The following AVEN variants were observed in gnomAD, a reference collection of about 807,000 sequenced individuals.
AVEN encodes cell death regulator Aven.
AVEN carries 41 observed loss-of-function variants against 38.1 expected under a neutral mutation model. The ratio of observed to expected loss-of-function variants is 1.08; its 90% CI spans 0.84 to 1.40. The LOEUF (loss-of-function observed/expected upper bound fraction) is 1.40. AVEN is among the 40% of genes most tolerant of loss of function. The pLI is 0.00. For missense variants in AVEN, 605 were observed against 438.8 expected (o/e 1.38, Z -3.38); for synonymous variants, 206 against 171.8 (o/e 1.20, Z -1.56).
At chr15:33,960,210 A>T (rs1895110534) in intron 2 of AVEN, among the ~76,000 whole-genome samples, 2 of 152,228 alleles carry the variant, frequency 1.3e-5, no homozygotes, top group Admixed American at 6.5e-5. Flanking sequence ...TGCCTTTTGG[A>T]GATTTAAGCA....
At chr15:33,988,431 G>C (rs1324179453) in intron 2 of AVEN, among the ~76,000 whole-genome samples, 1 of 152,168 alleles carries the variant, frequency 6.6e-6, no homozygotes, top group East Asian at 1.9e-4. Flanking sequence ...GTATAGAATA[G>C]AGATAATGAA....
chr15:33,866,737 A>C lies in AVEN; in HGVS notation c.974-9T>G, dbSNP rs1480038383. On this transcript the variant is annotated splice_polypyrimidine_tract_variant and intron_variant, in intron 5 of 5. Transcript: ENST00000306730. ...AGATGGTTTTGCACAAACTGGGGGAAAAAAAACAATGTTAACACCCTCAGA... is the reference window on the plus strand; with the variant it reads ...AGATGGTTTTGCACAAACTGGGGGACAAAAAACAATGTTAACACCCTCAGA... 6.3e-7 allele frequency: 1 copy of C among 1,596,730 alleles called. No homozygotes were observed. The highest frequency in any genetic ancestry group is 1.3e-5 in the African/African-American group (1 of 74,602).
At chr15:33,949,451 AT>A (rs1894646409) in intron 2 of AVEN, among the ~76,000 whole-genome samples, 1 of 152,222 alleles carries the variant, frequency 6.6e-6, no homozygotes, top group Admixed American at 6.5e-5. Flanking sequence ...GGTGATGGAT[AT>A]CCTAATTACC....
upstream of AVEN, among the ~76,000 whole-genome samples, chr15:34,041,373 C>T (rs1434091178): frequency 2.0e-5 from 3 of 152,116 alleles, no homozygotes; most frequent in African/African-American, 7.2e-5. Context: ...CTTAAATTTG[C>T]CAACATTGAG....
intron 2 of AVEN, among the ~76,000 whole-genome samples, chr15:33,919,078 C>T (rs1036587096): frequency 1.3e-5 from 2 of 151,882 alleles, no homozygotes; most frequent in East Asian, 3.9e-4. Context: ...CTGCCCATCA[C>T]GCCCGGCTAA....
intron 2 of AVEN, among the ~76,000 whole-genome samples, chr15:33,920,604 T>C (rs1021507003): frequency 3.3e-5 from 5 of 152,180 alleles, no homozygotes; most frequent in Admixed American, 6.5e-5. Flanking sequence ...AAGTAATCCA[T>C]GTTCAAAGCA....
In AVEN at chr15:34,062,408, A is replaced by T. The variant is rs1048622656; in HGVS notation, n.1637+514T>A. ...GTCTCTACTAAAAATACAAAAAAAT[A>T]GCTGGGCGTGGTGGTGGGAGCCTGT... is the stretch of plus-strand genomic sequence containing the variant. On this transcript the variant is annotated intron_variant and non_coding_transcript_variant, in intron 5 of 11. Coordinates refer to the AVEN transcript ENST00000675287. Among the ~76,000 whole-genome samples the T allele has an allele frequency of 2.6e-5, 4 of 152,168 alleles. No individual in the cohort carries two copies. The East Asian group carries it at 7.7e-4, about 29-fold the overall frequency.
chr15:33,903,488 G>A (rs980451111), intron 2 of AVEN, among the ~76,000 whole-genome samples: 6 of 152,176 alleles, frequency 3.9e-5, no homozygotes, highest in African/African-American at 1.2e-4. Context: ...GCCTAAGTCA[G>A]TTTCTGCAGC....
At chr15:33,950,334 T>A (rs1414261423) in intron 2 of AVEN, among the ~76,000 whole-genome samples, 1 of 152,252 alleles carries the variant, frequency 6.6e-6, no homozygotes, top group East Asian at 1.9e-4. Flanking sequence ...CTAAGAGTTG[T>A]TCTTAGTATT....
intron 2 of AVEN, among the ~76,000 whole-genome samples, chr15:33,931,349 CTTTTTTTTTTTTTTTTT>C (rs71119903): frequency 2.2e-5 from 2 of 89,296 alleles, no homozygotes; most frequent in African/African-American, 5.2e-5. Flanking sequence ...TGAATATTTT[CTTTTTTTTTTTTTTTTT>C]TTTTTTTTTT....
At chr15:33,879,280 T>C (rs1567392511) in intron 2 of AVEN, among the ~76,000 whole-genome samples, 1 of 151,540 alleles carries the variant, frequency 6.6e-6, no homozygotes, top group Non-Finnish European at 1.5e-5. Flanking sequence ...GAAATCATCA[T>C]TCTCAGTAAA....
At chr15:33,888,303 T>TTGTG (rs367696343) in intron 2 of AVEN, among the ~76,000 whole-genome samples, 1 of 151,372 alleles carries the variant, frequency 6.6e-6, no homozygotes, top group African/African-American at 2.4e-5. Context: ...TATGGGAGCA[T>TTGTG]TGTGTGTGTG....
At chr15:33,858,136 G>GCCCC (rs1320996250), downstream of AVEN, 1 of 592,686 alleles carries the variant, frequency 1.7e-6, no homozygotes, top group African/African-American at 1.9e-5. Context: ...ACACATCTAA[G>GCCCC]CCCCGTGGAA....
At chr15:33,962,266 T>G (rs1490151154) in intron 2 of AVEN, among the ~76,000 whole-genome samples, 1 of 152,220 alleles carries the variant, frequency 6.6e-6, no homozygotes, top group Non-Finnish European at 1.5e-5. Context: ...TTCCTTCACA[T>G]GCCTCAAGTA....
chr15:33,937,321 T>C lies in AVEN; in HGVS notation c.446-61326A>G, dbSNP rs1012690031. On this transcript the variant is annotated intron_variant, in intron 2 of 5. Transcript: ENST00000306730. ...AGGCCGAGGCGGGCGGATCATGAGG[T>C]CAGGAGATTGAGACCATCCTGGCTA... Among the ~76,000 whole-genome samples, 12 of 150,908 alleles carry C rather than the reference T, an allele frequency of 8.0e-5. No individual in the cohort carries two copies. In the South Asian group the frequency reaches 8.4e-4, roughly 11 times the overall value.
chr15:34,061,016 A>G (rs1420508670), intron 5 of AVEN, among the ~76,000 whole-genome samples: 2 of 139,234 alleles, frequency 1.4e-5, no homozygotes, highest in East Asian at 4.0e-4. Flanking sequence ...ACTCCGTCTC[A>G]AAAAAAAAAA....
At chr15:33,939,345 T>C (rs185264208) in intron 2 of AVEN, among the ~76,000 whole-genome samples, 1 of 152,258 alleles carries the variant, frequency 6.6e-6, no homozygotes, top group South Asian at 2.1e-4. Context: ...GGAACCATTT[T>C]AGGAGACAGG....
chr15:34,026,024 C>T (rs1898452884), intron 1 of AVEN, among the ~76,000 whole-genome samples: 1 of 152,078 alleles, frequency 6.6e-6, no homozygotes, highest in African/African-American at 2.4e-5. Flanking sequence ...ATCTATGTTT[C>T]TGATAATACA....
intron 2 of AVEN, among the ~76,000 whole-genome samples, chr15:33,922,656 T>A (rs1483844914): frequency 1.3e-5 from 2 of 152,132 alleles, no homozygotes; most frequent in African/African-American, 4.8e-5. Flanking sequence ...TGGTCTGGAC[T>A]CCTGGCTTCA....
Sources: allele counts gnomAD v4.1 joint callset (sites outside exome capture counted in the v4.1 genomes callset), GRCh38; gene constraint gnomAD v4.1.1; transcripts MANE v1.5; gene names NCBI Gene and HGNC (gene_info 2026-07-23, HGNC 2026-07-21).